PTPRO: variants seen among roughly 807,000 people sequenced by gnomAD.
PTPRO encodes protein tyrosine phosphatase receptor type O, also known as receptor-type tyrosine-protein phosphatase O.
PTPRO carries 62 observed loss-of-function variants against 145.2 expected under a neutral mutation model. The ratio of observed to expected loss-of-function variants is 0.43; its 90% CI spans 0.35 to 0.53. The LOEUF (loss-of-function observed/expected upper bound fraction) is 0.53, where lower values mean the gene tolerates loss of function less well. Among genes scored for constraint, PTPRO ranks in the 20% least tolerant of loss-of-function variants. The pLI, the probability that PTPRO is intolerant of heterozygous loss-of-function variation, is 0.01. For missense variants in PTPRO, 1,345 were observed against 1,482.7 expected (o/e 0.91, Z 1.53); for synonymous variants, 565 against 514.7 (o/e 1.10, Z -1.32).
At chr12:15,386,440 A>C (rs1356699243) in intron 1 of PTPRO, among the ~76,000 whole-genome samples, 1 of 152,198 alleles carries the variant, frequency 6.6e-6, no homozygotes, top group Non-Finnish European at 1.5e-5. Context: ...ATTATGAAAT[A>C]AATATAAACA....
chr12:15,328,007 G>A (rs1024652793), intron 1 of PTPRO, among the ~76,000 whole-genome samples: 3 of 151,912 alleles, frequency 2.0e-5, no homozygotes, highest in African/African-American at 4.8e-5. Context: ...CCAGTTACTC[G>A]GGAGGCTGAG....
intron 1 of PTPRO, among the ~76,000 whole-genome samples, chr12:15,390,880 A>G (rs957180912): frequency 6.6e-6 from 1 of 152,208 alleles, no homozygotes; most frequent in African/African-American, 2.4e-5. Context: ...TCTCACAAGC[A>G]TGAAGTCTGG....
chr12:15,360,963 T>TATATACACATGTGTATATACACACAC (rs1938185340), intron 1 of PTPRO, among the ~76,000 whole-genome samples: 3 of 148,198 alleles, frequency 2.0e-5, no homozygotes, highest in Non-Finnish European at 4.5e-5. Context: ...TACACACACA[T>TATATACACATGTGTATATACACACAC]ATATACACAC....
In PTPRO at chr12:15,501,821, G is replaced by A. The variant is rs779739888; in HGVS notation, c.863G>A (p.Ser288Asn). 6 of 1,614,056 alleles carry A rather than the reference G, an allele frequency of 3.7e-6. No individual in the cohort carries two copies. The highest frequency in any genetic ancestry group is 2.2e-5 in the East Asian group (1 of 44,848). ...NISSGWPDFN[S>N]SDYETTSQPY... is the part of the protein sequence containing the mutation. Reference sequence around the variant, plus strand: ...TCTTCCGGTTGGCCTGATTTTAATAGCAGTGACTATGAAACTACGTCTCAG... The same window carrying A: ...TCTTCCGGTTGGCCTGATTTTAATAACAGTGACTATGAAACTACGTCTCAG... Residue 288 changes from serine (S) to asparagine (N), a missense_variant, in exon 5 of 27, where the codon AGC becomes AAC. Ser to Asn is a conservative substitution (Grantham distance 46). This residue lies in a region of PTPRO where 1,130 missense variants were observed against 1,214.7 expected (regional missense o/e 0.93). Coordinates refer to ENST00000281171, the MANE Select transcript of PTPRO (RefSeq NM_030667.3).
At chr12:15,447,676 C>T (rs73059029) in intron 1 of PTPRO, among the ~76,000 whole-genome samples, 2 of 152,258 alleles carry the variant, frequency 1.3e-5, no homozygotes, top group African/African-American at 4.8e-5. Context: ...TCCTATGCCC[C>T]ATAGCTATGA....
chr12:15,360,809 C>T (rs1357491295), intron 1 of PTPRO, among the ~76,000 whole-genome samples: 16 of 137,004 alleles, frequency 1.2e-4, no homozygotes, highest in East Asian at 4.3e-4. Flanking sequence ...TGTATATATA[C>T]GTGTGTATAT....
intron 2 of PTPRO, among the ~76,000 whole-genome samples, chr12:15,486,920 C>T (rs1163665272): frequency 1.3e-5 from 2 of 152,084 alleles, no homozygotes. Context: ...GGGAGTGAGT[C>T]GATCTAGTCA....
intron 1 of PTPRO, among the ~76,000 whole-genome samples, chr12:15,416,443 C>A (rs1939977214): frequency 6.6e-6 from 1 of 151,274 alleles, no homozygotes; most frequent in African/African-American, 2.5e-5. Context: ...CCTCAGCCTC[C>A]CGAGTAGCTG....
intron 1 of PTPRO, among the ~76,000 whole-genome samples, chr12:15,464,600 C>A (rs1941376928): frequency 6.6e-6 from 1 of 150,698 alleles, no homozygotes; most frequent in Non-Finnish European, 1.5e-5. Context: ...CTCAAGTGAT[C>A]TGCCCACCTT....
At chr12:15,446,311 A>G (rs1290241738) in intron 1 of PTPRO, among the ~76,000 whole-genome samples, 3 of 152,114 alleles carry the variant, frequency 2.0e-5, no homozygotes, top group African/African-American at 4.8e-5. Flanking sequence ...AATTATTATT[A>G]TAGAAGAAAT....
intron 1 of PTPRO, among the ~76,000 whole-genome samples, chr12:15,383,811 T>G (rs1289822353): frequency 2.0e-5 from 3 of 152,198 alleles, no homozygotes; most frequent in African/African-American, 7.2e-5. Context: ...TCTTAAAAGG[T>G]GTCAGACTCT....
chr12:15,589,530 T>G lies in PTPRO; in HGVS notation c.3486T>G (p.Val1162=), dbSNP rs1355407246. 1 of 1,614,172 alleles carries G rather than the reference T, an allele frequency of 6.2e-7. No individual in the cohort carries two copies. Among genetic ancestry groups the G allele is most frequent in the Non-Finnish European group, 8.5e-7 (1 of 1,180,018 alleles). The part of the protein sequence containing the change: ...LLQHIRDHEF[V]DILGLVSEMR... ...AGCACATTCGGGATCATGAGTTTGTTGACATCTTAGGGCTGGTGTCAGAAA... is the reference window on the plus strand; with the variant it reads ...AGCACATTCGGGATCATGAGTTTGTGGACATCTTAGGGCTGGTGTCAGAAA... The change falls in exon 25 of 27, where the codon GTT becomes GTG. Residue 1162 remains valine (V), a synonymous_variant. Coordinates refer to ENST00000281171, the MANE Select transcript of PTPRO (RefSeq NM_030667.3).
chr12:15,558,080 G>A (rs957846967), intron 16 of PTPRO, among the ~76,000 whole-genome samples: 7 of 151,806 alleles, frequency 4.6e-5, no homozygotes, highest in Admixed American at 2.0e-4. Flanking sequence ...GACTACAGGC[G>A]CGCACCACCA....
At chr12:15,404,694 G>C (rs1488083759) in intron 1 of PTPRO, among the ~76,000 whole-genome samples, 1 of 152,112 alleles carries the variant, frequency 6.6e-6, no homozygotes, top group Non-Finnish European at 1.5e-5. Flanking sequence ...CCTTACAAAT[G>C]ACTCATGTTT....
Position 15,501,680 on chromosome 12 carries a change from A to C in PTPRO, c.722A>C (p.Glu241Ala). 1.2e-6 allele frequency: 2 copies of C among 1,614,044 alleles called. No individual in the cohort carries two copies. The stretch of plus-strand genomic sequence containing the variant: ...GTAAACTTGAACAAAAACAACTGGG[A>C]AGAACAGAGTGGCAATTTCCCAGAA... Reference protein sequence around the residue: ...RIVNLNKNNWEEQSGNFPEES... With the variant: ...RIVNLNKNNWAEQSGNFPEES... Residue 241 changes from glutamate to alanine, a missense_variant, in exon 5 of 27, where the codon GAA becomes GCA. Around this residue, in one of 3 missense-constraint regions of PTPRO, gnomAD observed 1,130 missense variants for 1,214.7 expected, o/e 0.93. Transcript: ENST00000281171.
intron 12 of PTPRO, among the ~76,000 whole-genome samples, chr12:15,532,511 G>A (rs546114740): frequency 5.4e-4 from 82 of 152,188 alleles, no homozygotes; most frequent in African/African-American, 2.0e-3. Flanking sequence ...GACCACAAAA[G>A]AACAGCTAAT....
At position 15,596,940 on chromosome 12, in the gene PTPRO, C is replaced by CTTG. The variant is rs1430518046; in HGVS notation, c.*870_*872dup. Reference sequence around the variant, plus strand: ...ATCGTGGTGCCTAGACTTTGCATTCCTTGTTCTGTTGACCTGCATACATGT... The same window carrying CTTG: ...ATCGTGGTGCCTAGACTTTGCATTCCTTGTTGTTCTGTTGACCTGCATACATGT... On this transcript the variant is annotated 3_prime_UTR_variant, in exon 27 of 27. Transcript: ENST00000281171. 2 of 152,592 alleles carry CTTG rather than the reference C, an allele frequency of 1.3e-5. No homozygotes were observed. Among genetic ancestry groups the CTTG allele is most frequent in the Non-Finnish European group, 2.9e-5 (2 of 68,024 alleles). 9.5% of individuals were successfully genotyped at this position (152,592 alleles called of 1,614,324 possible).
At chr12:15,491,188 G>A (rs1941992289) in intron 2 of PTPRO, among the ~76,000 whole-genome samples, 2 of 152,158 alleles carry the variant, frequency 1.3e-5, no homozygotes, top group South Asian at 4.1e-4. Context: ...GCCATCAGAA[G>A]TGAGGGTCTA....
chr12:15,513,143 GAA>G (rs1565675518), intron 7 of PTPRO, among the ~76,000 whole-genome samples: 1 of 35,198 alleles, frequency 2.8e-5, no homozygotes, highest in African/African-American at 1.1e-4. Context: ...AAGGAAGGAA[GAA>G]AGAAAGAAAG....
Sources: allele counts gnomAD v4.1 joint callset (sites outside exome capture counted in the v4.1 genomes callset), GRCh38; gene constraint gnomAD v4.1.1; regional missense constraint gnomAD v4.1.1; transcripts MANE v1.5; gene names NCBI Gene and HGNC (gene_info 2026-07-23, HGNC 2026-07-21).